Variants in PTPRC observed in about 807,000 individuals in gnomAD.
PTPRC encodes the protein protein tyrosine phosphatase receptor type C.
PTPRC carries 44 observed loss-of-function variants against 155.9 expected under a neutral mutation model. The ratio of observed to expected loss-of-function variants is 0.28; its 90% CI spans 0.22 to 0.36. PTPRC has a LOEUF of 0.36. PTPRC is among the 10% of genes least tolerant of loss of function. PTPRC has a pLI of 1.00. For missense variants in PTPRC, 1,401 were observed against 1,564.6 expected, an observed-to-expected ratio of 0.90 and a Z score of 1.76; for synonymous variants, 525 against 533.1, an observed-to-expected ratio of 0.98 and a Z score of 0.21.
intron 8 of PTPRC, among the ~76,000 whole-genome samples, chr1:198,705,713 G>GC (rs1652922746): frequency 6.6e-6 from 1 of 151,936 alleles, no homozygotes; most frequent in Non-Finnish European, 1.5e-5. Context: ...GATCCACCAC[G>GC]CCTGGCCCAC....
chr1:198,702,607 T>A, intron 6 of PTPRC, 77 bp downstream of exon 6: 1 of 1,557,178 alleles, frequency 6.4e-7, no homozygotes, highest in Non-Finnish European at 8.9e-7. Flanking sequence ...TGTAGCTCTT[T>A]TATTTTGTGC....
At chr1:198,647,359 T>A (rs781135356) in intron 2 of PTPRC, among the ~76,000 whole-genome samples, 1 of 151,914 alleles carries the variant, frequency 6.6e-6, no homozygotes, top group African/African-American at 2.4e-5. Flanking sequence ...CAGTACCTGT[T>A]TGCTGAACAA....
chr1:198,742,334 A>G lies in PTPRC; in HGVS notation c.2664A>G (p.Leu888=). The G allele has an allele frequency of 1.2e-6, 2 of 1,612,220 alleles. No homozygotes were observed. Among genetic ancestry groups the G allele is most frequent in the Non-Finnish European group, 1.7e-6 (2 of 1,178,796 alleles). The part of the protein sequence containing the change: ...KVDVYGYVVK[L]RRQRCLMVQV... Reference sequence around the variant, plus strand: ...ATGTTTATGGTTATGTTGTCAAGCTAAGGCGACAGAGATGCCTGATGGTTC... The same window carrying G: ...ATGTTTATGGTTATGTTGTCAAGCTGAGGCGACAGAGATGCCTGATGGTTC... The change falls in exon 25 of 33, where the codon CTA becomes CTG. Residue 888 remains leucine, a synonymous_variant. Coordinates refer to ENST00000442510, the MANE Select transcript of PTPRC (RefSeq NM_002838.5).
At chr1:198,747,006 G>GTAGA (rs1655164548) in intron 26 of PTPRC, among the ~76,000 whole-genome samples, 1 of 151,688 alleles carries the variant, frequency 6.6e-6, no homozygotes, top group Non-Finnish European at 1.5e-5. Flanking sequence ...ATACACACAC[G>GTAGA]TATCTACATG....
At chr1:198,750,260 C>G in intron 28 of PTPRC, 1 of 523,724 alleles carries the variant, frequency 1.9e-6, no homozygotes, top group South Asian at 2.2e-5. Flanking sequence ...AAATTTGTTT[C>G]GCAAGATATG....
At chr1:198,695,050 C>A (rs1283798448) in intron 3 of PTPRC, 2 of 928,884 alleles carry the variant, frequency 2.2e-6, no homozygotes, top group Non-Finnish European at 2.6e-6. Flanking sequence ...TTTCTGTAAT[C>A]ACAGAATAGT....
intron 2 of PTPRC, among the ~76,000 whole-genome samples, chr1:198,646,620 A>G (rs1662951161): frequency 6.6e-6 from 1 of 151,900 alleles, no homozygotes; most frequent in African/African-American, 2.4e-5. Flanking sequence ...GTGGAGATTG[A>G]CAGCTCTTTG....
chr1:198,739,878 T>G (rs768614929), intron 23 of PTPRC, among the ~76,000 whole-genome samples: 36 of 151,938 alleles, frequency 2.4e-4, no homozygotes, highest in Middle Eastern at 3.4e-3. Context: ...AAACTTTTCT[T>G]TGACTACAGT....
intron 3 of PTPRC, chr1:198,694,030 C>T: frequency 6.5e-7 from 1 of 1,548,402 alleles, no homozygotes. Flanking sequence ...CATCTGCAAG[C>T]TGAGGAGCAA....
intron 14 of PTPRC, 49 bp from the exon 15 acceptor site, chr1:198,722,367 A>ATAT: frequency 1.1e-6 from 1 of 891,066 alleles, no homozygotes; most frequent in Non-Finnish European, 1.6e-6. Context: ...TATATATATA[A>ATAT]ATTCACATTA....
intron 3 of PTPRC, chr1:198,695,097 A>G (rs1666129350): frequency 1.1e-6 from 1 of 912,100 alleles, no homozygotes; most frequent in Non-Finnish European, 1.3e-6. Context: ...TTGAAGTTCA[A>G]TTGAATTTTA....
chr1:198,663,569 AGC>A (rs1310743522), intron 2 of PTPRC, among the ~76,000 whole-genome samples: 1 of 152,236 alleles, frequency 6.6e-6, no homozygotes, highest in African/African-American at 2.4e-5. Flanking sequence ...GGAGACCTGT[AGC>A]CACCTTCTGA....
At chr1:198,683,202 T>C (rs769522482) in intron 2 of PTPRC, among the ~76,000 whole-genome samples, 6 of 152,192 alleles carry the variant, frequency 3.9e-5, no homozygotes, top group Non-Finnish European at 8.8e-5. Context: ...TAAAATAATA[T>C]GTAACAGTAT....
At chr1:198,646,297 A>G (rs894819451) in intron 2 of PTPRC, among the ~76,000 whole-genome samples, 1 of 151,758 alleles carries the variant, frequency 6.6e-6, no homozygotes, top group Non-Finnish European at 1.5e-5. Flanking sequence ...CATTTTACCC[A>G]TGTCAAGTTC....
Position 198,706,721 on chromosome 1 carries a change from T to C in PTPRC, c.686-13T>C, listed in dbSNP as rs1225743720. The C allele has an allele frequency of 1.5e-5, 24 of 1,602,168 alleles. No homozygotes were observed. Among genetic ancestry groups the C allele is most frequent in the Non-Finnish European group, 2.0e-5 (24 of 1,171,546 alleles). The stretch of plus-strand genomic sequence containing the variant: ...TCTGGAAAAATAACACTCAATGTTC[T>C]ATTTTCTTTTAGATGAAAAATATGC... On this transcript the variant is annotated splice_polypyrimidine_tract_variant and intron_variant, in intron 8 of 32. Transcript: ENST00000442510.
intron 17 of PTPRC, among the ~76,000 whole-genome samples, chr1:198,730,685 T>A (rs1654346643): frequency 6.6e-6 from 1 of 152,084 alleles, no homozygotes; most frequent in African/African-American, 2.4e-5. Flanking sequence ...TGGAACGCAG[T>A]AGAATTTACT....
At chr1:198,728,478 T>C in intron 16 of PTPRC, 30 bp downstream of exon 16, 1 of 1,606,856 alleles carries the variant, frequency 6.2e-7, no homozygotes, top group African/African-American at 1.3e-5. Flanking sequence ...TTTTAAATAA[T>C]AATGGTATTA....
chr1:198,667,198 GC>G (rs1409888371), intron 2 of PTPRC: 2 of 152,284 alleles, frequency 1.3e-5, no homozygotes, highest in Admixed American at 1.3e-4. Flanking sequence ...TTCCCCAGAA[GC>G]TTTTGTCTAC....
chr1:198,699,454 C>G (rs1666357499), intron 4 of PTPRC, 110 bp from the exon 5 acceptor site: 16 of 1,297,430 alleles, frequency 1.2e-5, no homozygotes, highest in Non-Finnish European at 1.7e-5. Flanking sequence ...GATTCAGTTA[C>G]TTCACAGTTT....
Sources: allele counts gnomAD v4.1 joint callset (sites outside exome capture counted in the v4.1 genomes callset), GRCh38; gene constraint gnomAD v4.1.1; transcripts MANE v1.5; gene names NCBI Gene and HGNC (gene_info 2026-07-23, HGNC 2026-07-21).